Variants in LPAR5 observed in about 807,000 individuals in gnomAD.
LPAR5 encodes the protein lysophosphatidic acid receptor 5, also known as G protein-coupled receptor 92.
For synonymous variants in LPAR5, 271 were observed against 261.6 expected (o/e 1.04, Z -0.35); for missense variants, 544 against 521.8 (o/e 1.04, Z -0.41).
intron 1 of LPAR5, among the ~76,000 whole-genome samples, chr12:6,625,774 T>C (rs2136242519): frequency 6.6e-6 from 1 of 152,102 alleles, no homozygotes; most frequent in South Asian, 2.1e-4. Flanking sequence ...GTCATAAATC[T>C]GGCTATAACA....
chr12:6,627,707 A>G (rs1403889654), intron 1 of LPAR5, among the ~76,000 whole-genome samples: 1 of 152,076 alleles, frequency 6.6e-6, no homozygotes, highest in Non-Finnish European at 1.5e-5. Flanking sequence ...CCCCAACTAG[A>G]TGGTAAGCTC....
intron 1 of LPAR5, among the ~76,000 whole-genome samples, chr12:6,633,906 C>T (rs1323357776): frequency 6.6e-6 from 1 of 152,150 alleles, no homozygotes; most frequent in South Asian, 2.1e-4. Context: ...TCTGTCTCAC[C>T]TCAATCCCTG....
chr12:6,630,146 A>C (rs933938023), intron 1 of LPAR5, among the ~76,000 whole-genome samples: 1 of 150,474 alleles, frequency 6.6e-6, no homozygotes, highest in Non-Finnish European at 1.5e-5. Flanking sequence ...TTTTTTTTGG[A>C]TACAGTCTCA....
intron 1 of LPAR5, among the ~76,000 whole-genome samples, chr12:6,622,371 T>G (rs1948903175): frequency 6.7e-6 from 1 of 149,842 alleles, no homozygotes; most frequent in South Asian, 2.1e-4. Context: ...GAGTTTGCAG[T>G]GAGCCAAGAT....
chr12:6,631,217 T>C (rs527477379), intron 1 of LPAR5, among the ~76,000 whole-genome samples: 4 of 152,080 alleles, frequency 2.6e-5, no homozygotes, highest in Non-Finnish European at 5.9e-5. Flanking sequence ...CAGACACATA[T>C]ACACACACGC....
chr12:6,620,125 T>G lies in LPAR5; in HGVS notation c.*5A>C. 2 of 1,613,800 alleles carry G rather than the reference T, an allele frequency of 1.2e-6. No individual in the cohort carries two copies. The highest frequency in any genetic ancestry group is 1.7e-6 in the Non-Finnish European group (2 of 1,179,926). ...CGGGCACGGACAGCGCAATGGCATG[T>G]GTGTTCAGAGGGCGGAATCCTGGGG... On this transcript the variant is annotated 3_prime_UTR_variant, in exon 2 of 2. Transcript: ENST00000329858. The surrounding 1 kb of genome is among the most constrained non-coding windows in gnomAD (Gnocchi z 6.8).
chr12:6,625,399 T>C (rs1948928189), intron 1 of LPAR5, among the ~76,000 whole-genome samples: 1 of 122,440 alleles, frequency 8.2e-6, no homozygotes. Flanking sequence ...CACGCCAGCC[T>C]GGGCAACAGA....
Position 6,620,759 on chromosome 12 carries a change from G to A in LPAR5, c.490C>T (p.Arg164Cys). The A allele has an allele frequency of 1.9e-6, 3 of 1,592,130 alleles. No individual in the cohort carries two copies. The highest frequency in any genetic ancestry group is 1.7e-5 in the Admixed American group (1 of 57,280). ...ACCTCGAGGTCCCGGTAGCGGCAAC[G>A]CGAGGGCCTGTGCACGCGGGCGGCG... ...VPAARVHRPS[R>C]CRYRDLEVRL... is the part of the protein sequence containing the mutation. Residue 164 changes from arginine to cysteine, a missense_variant, in exon 2 of 2, where the codon CGT (arginine) becomes TGT (cysteine). Physicochemically the swap from Arg to Cys is radical, Grantham distance 180 (BLOSUM62 -3). Coordinates refer to ENST00000329858, the MANE Select transcript of LPAR5 (RefSeq NM_020400.6). The surrounding 1 kb of genome is among the most constrained non-coding windows in gnomAD (Gnocchi z 6.8).
At chr12:6,632,462 T>C (rs1207644913) in intron 1 of LPAR5, among the ~76,000 whole-genome samples, 1 of 152,188 alleles carries the variant, frequency 6.6e-6, no homozygotes, top group Non-Finnish European at 1.5e-5. Flanking sequence ...AGTCCCTCTT[T>C]AGTATGTACT....
In LPAR5 at chr12:6,620,608, ACT is replaced by A. The variant is rs2136239509; in HGVS notation, c.639_640del (p.Val214LeufsTer25). The stretch of plus-strand genomic sequence containing the variant: ...GTCGGGGCGCGCCAGCGTCCAGAAG[ACT>A]CGGCCCGACGAGTAGACCACCGCCG... On this transcript the variant is annotated frameshift_variant, in exon 2 of 2. Coordinates refer to ENST00000329858, the MANE Select transcript of LPAR5 (RefSeq NM_020400.6). LOFTEE classifies it low-confidence loss of function (END_TRUNC). The surrounding 1 kb of genome is among the most constrained non-coding windows in gnomAD (Gnocchi z 6.8). The A allele has an allele frequency of 1.3e-6, 2 of 1,551,222 alleles. No individual in the cohort carries two copies. Among genetic ancestry groups the A allele is most frequent in the Non-Finnish European group, 1.7e-6 (2 of 1,148,126 alleles).
chr12:6,635,619 G>C (rs915740422), intron 1 of LPAR5, among the ~76,000 whole-genome samples: 4 of 152,192 alleles, frequency 2.6e-5, no homozygotes, highest in Non-Finnish European at 5.9e-5. Flanking sequence ...TGGGGGCCTA[G>C]AGGGGGAGGG....
Position 6,620,628 on chromosome 12 carries a change from C to T in LPAR5, c.621G>A (p.Val207=). 6.4e-7 allele frequency: 1 copy of T among 1,552,538 alleles called. No homozygotes were observed. Among genetic ancestry groups the T allele is most frequent in the African/African-American group, 1.4e-5 (1 of 73,502 alleles). ...AGAAGACTCGGCCCGACGAGTAGACCACCGCCGCCAGGGGCAGCAGGAAGC... is the reference window on the plus strand; with the variant it reads ...AGAAGACTCGGCCCGACGAGTAGACTACCGCCGCCAGGGGCAGCAGGAAGC... The part of the protein sequence containing the change: ...ALGFLLPLAA[V]VYSSGRVFWT... The change falls in exon 2 of 2, where the codon GTG becomes GTA. Residue 207 remains valine, a synonymous_variant. Transcript: ENST00000329858. The surrounding 1 kb of genome is among the most constrained non-coding windows in gnomAD (Gnocchi z 6.8).
chr12:6,631,357 T>TA (rs1948979880), intron 1 of LPAR5, among the ~76,000 whole-genome samples: 1 of 152,034 alleles, frequency 6.6e-6, no homozygotes, highest in Non-Finnish European at 1.5e-5. Flanking sequence ...TTAGGGACAG[T>TA]ATCCTTACAC....
intron 1 of LPAR5, among the ~76,000 whole-genome samples, chr12:6,633,482 A>G (rs1263420778): frequency 1.3e-5 from 2 of 151,198 alleles, no homozygotes; most frequent in Admixed American, 1.3e-4. Context: ...GTGCAATCTC[A>G]GCTCACTGCA....
chr12:6,622,692 G>A (rs1592297777), intron 1 of LPAR5, among the ~76,000 whole-genome samples: 1 of 151,090 alleles, frequency 6.6e-6, no homozygotes, highest in Admixed American at 6.6e-5. Context: ...GCAGTGAGCC[G>A]AGATCACACC....
At chr12:6,623,165 G>T (rs78446049) in intron 1 of LPAR5, among the ~76,000 whole-genome samples, 26,039 of 151,844 alleles carry the variant, frequency 0.17, 2,594 homozygotes, top group African/African-American at 0.27. Flanking sequence ...TTGAACCCAG[G>T]AGGCGGAGGT....
In LPAR5 at chr12:6,621,054, C is replaced by G. The variant is rs116577757; in HGVS notation, c.195G>C (p.Ala65=). 1.5e-4 allele frequency: 239 copies of G among 1,605,364 alleles called. No individual in the cohort carries two copies. The highest frequency in any genetic ancestry group is 6.6e-4 in the Middle Eastern group (4 of 6,030). The part of the protein sequence containing the change: ...SVVSVYMCNL[A]ASDLLFTLSL... ...AGAGGGTGAAGAGCAGGTCGCTGGC[C>G]GCCAGGTTACACATGTACACGCTCA... is the stretch of plus-strand genomic sequence containing the variant. The change falls in exon 2 of 2, where the codon GCG becomes GCC. Residue 65 remains alanine (A), a synonymous_variant. Coordinates refer to ENST00000329858, the MANE Select transcript of LPAR5 (RefSeq NM_020400.6).
chr12:6,624,214 A>T (rs967079304), intron 1 of LPAR5, among the ~76,000 whole-genome samples: 1 of 152,154 alleles, frequency 6.6e-6, no homozygotes, highest in Non-Finnish European at 1.5e-5. Context: ...CTTGCTAGGC[A>T]GGGGAAGGCC....
At position 6,628,211 on chromosome 12, in the gene LPAR5, T is replaced by C. The variant is rs1948956230; in HGVS notation, c.-216-6747A>G. Among the ~76,000 whole-genome samples, 3 of 151,922 alleles carry C rather than the reference T, an allele frequency of 2.0e-5. No individual in the cohort carries two copies. In the South Asian group the frequency reaches 6.2e-4, roughly 32 times the overall value. On this transcript the variant is annotated intron_variant, in intron 1 of 1. Coordinates refer to ENST00000329858, the MANE Select transcript of LPAR5 (RefSeq NM_020400.6). ...TAATTTTTTGTATTTTTAGTAGAGC[T>C]GGGGTTTCACTGTATTAGCCAGGAT... is the stretch of plus-strand genomic sequence containing the variant.
Sources: gnomAD v4.1 joint callset for allele counts (sites outside exome capture counted in the v4.1 genomes callset) on GRCh38, gnomAD v4.1.1 for gene constraint, Gnocchi (gnomAD v3.1) non-coding constraint, MANE v1.5 for transcripts, NCBI Gene and HGNC (gene_info 2026-07-23, HGNC 2026-07-21) for gene names.